Variants in SLC9A3 observed in about 807,000 individuals in gnomAD.
SLC9A3 encodes the protein solute carrier family 9 member A3.
In SLC9A3, 37 loss-of-function variants were observed where a neutral mutation model predicts 86.8. That is an observed-to-expected ratio of 0.43 (90% CI 0.33 to 0.56). The LOEUF (loss-of-function observed/expected upper bound fraction) is 0.56, where lower values mean the gene tolerates loss of function less well. Ranked by LOEUF, SLC9A3 falls within the 20% of genes least tolerant of loss-of-function variation. SLC9A3 has a pLI of 0.06. For missense variants in SLC9A3, 1,011 were observed against 1,171.9 expected, an observed-to-expected ratio of 0.86 and a Z score of 2.00; for synonymous variants, 581 against 528.3, an observed-to-expected ratio of 1.10 and a Z score of -1.37.
chr5:508,497 G>A (rs1370575480), intron 1 of SLC9A3, among the ~76,000 whole-genome samples: 1 of 146,030 alleles, frequency 6.8e-6, no homozygotes. Context: ...GTGTGCCCGG[G>A]ATGGAGATGC....
Position 475,031 on chromosome 5 carries a change from G to A in SLC9A3, c.2353C>T (p.Gln785Ter). The change falls in exon 16 of 17, where the codon CAG becomes TAG. Residue 785 changes from glutamine to a stop codon, truncating the protein, a stop_gained. Coordinates refer to ENST00000264938, the MANE Select transcript of SLC9A3 (RefSeq NM_004174.4). LOFTEE classifies it high-confidence loss of function. ...TAGGGAATCTGCGTGCGGGCCCTCT[G>A]CGAGGGGACCACCGTCTCCCCGGGA... Reference protein sequence around the residue: ...LSPGETVVPSQRARTQIPYSP... With the variant: ...LSPGETVVPS 2 of 1,612,354 alleles carry A rather than the reference G, an allele frequency of 1.2e-6. No individual in the cohort carries two copies. Among genetic ancestry groups the A allele is most frequent in the Non-Finnish European group, 1.7e-6 (2 of 1,179,784 alleles).
intron 1 of SLC9A3, among the ~76,000 whole-genome samples, chr5:502,853 T>TGCTCAAAGCCACCGTAACGACACAGAC (rs1370190936): frequency 6.9e-6 from 1 of 144,140 alleles, no homozygotes; most frequent in Non-Finnish European, 1.5e-5. Context: ...ATGACACAGA[T>TGCTCAAAGCCACCGTAACGACACAGAC]GGGCGCTGTG....
At chr5:480,914 G>T (rs1053527551) in intron 9 of SLC9A3, 5 of 152,204 alleles carry the variant, frequency 3.3e-5, no homozygotes, top group African/African-American at 1.2e-4. Context: ...ATTTTGGGAC[G>T]AAGTCTCGCT....
chr5:491,348 G>A lies in SLC9A3; in HGVS notation c.514+421C>T, dbSNP rs559484808. On this transcript the variant is annotated intron_variant, in intron 2 of 16. Transcript: ENST00000264938. This position sits in a 1 kb window ranked among gnomAD's most constrained non-coding sequence, Gnocchi z 9.2. The stretch of plus-strand genomic sequence containing the variant: ...AAAACCGCGCAGCAGTTCTGGCTCC[G>A]GCTGTGGCTGCAGCGGTGGCCGAGC... Among the ~76,000 whole-genome samples, 36 of 152,282 alleles carry A rather than the reference G, an allele frequency of 2.4e-4. No individual in the cohort carries two copies. Among genetic ancestry groups the A allele is most frequent in the Admixed American group, 9.1e-4 (14 of 15,302 alleles).
chr5:479,813 G>A (rs201746525), intron 10 of SLC9A3, 23 bp downstream of exon 10: 75 of 1,611,510 alleles, frequency 4.7e-5, no homozygotes, highest in Middle Eastern at 3.3e-4. Flanking sequence ...GCCCCGACCC[G>A]GCAGAGCAAG....
At chr5:506,291 C>T (rs562274067) in intron 1 of SLC9A3, among the ~76,000 whole-genome samples, 11 of 152,290 alleles carry the variant, frequency 7.2e-5, no homozygotes, top group African/African-American at 2.4e-4. Context: ...GAAAGACACA[C>T]GAAAGGGGCC....
At chr5:510,865 G>A (rs1740844476) in intron 1 of SLC9A3, among the ~76,000 whole-genome samples, 1 of 152,342 alleles carries the variant, frequency 6.6e-6, no homozygotes. Context: ...AGGCACTGCT[G>A]TGCTCCAAGA....
chr5:521,518 T>C (rs1733884424), intron 1 of SLC9A3, among the ~76,000 whole-genome samples: 1 of 152,210 alleles, frequency 6.6e-6, no homozygotes, highest in African/African-American at 2.4e-5. Context: ...ATTCAACAAA[T>C]GTTTGGAAAA....
chr5:477,239 C>T (rs139787282), intron 11 of SLC9A3, 93 bp downstream of exon 11: 1 of 862,694 alleles, frequency 1.2e-6, no homozygotes, highest in African/African-American at 1.7e-5. Context: ...CCATGCCACC[C>T]CCAGGCCAGG....
intron 1 of SLC9A3, among the ~76,000 whole-genome samples, chr5:523,113 GC>G (rs1457797692): frequency 6.6e-6 from 1 of 152,212 alleles, no homozygotes; most frequent in Non-Finnish European, 1.5e-5. Context: ...CACACAAGGG[GC>G]CTGAAGGGGA....
chr5:481,195 T>C (rs1214017825), intron 9 of SLC9A3, among the ~76,000 whole-genome samples: 1 of 152,236 alleles, frequency 6.6e-6, no homozygotes, highest in African/African-American at 2.4e-5. Context: ...CAAAATCATT[T>C]TAAATGTTGA....
chr5:480,229 C>G, intron 9 of SLC9A3: 1 of 416,732 alleles, frequency 2.4e-6, no homozygotes, highest in South Asian at 2.6e-5. Context: ...GGGTGTCAGG[C>G]CTGGTCAGGC....
Position 475,343 on chromosome 5 carries a change from C to T in SLC9A3, c.2252-211G>A, listed in dbSNP as rs576426548. On this transcript the variant is annotated intron_variant, in intron 15 of 16. Transcript: ENST00000264938. ...AGGTAACGTCTCGCTTCCCTCAAGACATACCCCACCTGCTCCCTGCCCGGC... is the reference window on the plus strand; with the variant it reads ...AGGTAACGTCTCGCTTCCCTCAAGATATACCCCACCTGCTCCCTGCCCGGC... The T allele has an allele frequency of 2.8e-4, 174 of 625,432 alleles. No individual in the cohort carries two copies. The Middle Eastern group carries it at 5.6e-3, about 20-fold the overall frequency. The allele number at this position is 625,432 out of a possible 1,614,324, so 38.7% of individuals were successfully genotyped here. A position where few individuals can be genotyped will look rare whatever the true frequency, so the allele number is the denominator to read the frequency against.
chr5:492,380 GA>G (rs1739811541), intron 1 of SLC9A3, among the ~76,000 whole-genome samples: 1 of 61,314 alleles, frequency 1.6e-5, no homozygotes, highest in Non-Finnish European at 3.6e-5. Context: ...AGGTAGGGGG[GA>G]ACCCACAGGG....
intron 10 of SLC9A3, chr5:479,439 C>G: frequency 4.8e-6 from 1 of 207,772 alleles, no homozygotes; most frequent in East Asian, 1.5e-4. Flanking sequence ...GGAGACGGCC[C>G]TGCTGCTGCC....
rs1738314351 is a variant in SLC9A3 at position 470,795 on chromosome 5, AC to A, written c.*2583del. ...GTAACAAAATTATTTTTGAGAAAAT[AC>A]AGAAGTGAGAAATAGTGATTTCCTC... On this transcript the variant is annotated 3_prime_UTR_variant, in exon 17 of 17. Transcript: ENST00000264938. 6.6e-6 allele frequency: 1 copy of A among 152,528 alleles called. No individual in the cohort carries two copies. The highest frequency in any genetic ancestry group is 1.5e-5 in the Non-Finnish European group (1 of 68,036). The allele number at this position is 152,528 out of a possible 1,614,324, so 9.4% of individuals were successfully genotyped here.
In SLC9A3 at chr5:479,673, ATTCCCAGGG is replaced by A. The variant is rs531497989; in HGVS notation, c.1647+154_1647+162del. On this transcript the variant is annotated intron_variant, in intron 10 of 16. Coordinates refer to ENST00000264938, the MANE Select transcript of SLC9A3 (RefSeq NM_004174.4). ...AGTTTACCCCACGAGAGCCCCTGGG[ATTCCCAGGG>A]CATCAGAAGGCCCATCAGCCTCCCG... 4.7e-4 allele frequency: 304 copies of A among 645,740 alleles called. 2 individuals carry two copies. In the South Asian group the frequency reaches 5.5e-3, roughly 12 times the overall value. The allele number at this position is 645,740 out of a possible 1,614,324, so 40.0% of individuals were successfully genotyped here.
chr5:472,784 T>G lies in SLC9A3; in HGVS notation c.*595A>C, dbSNP rs1469020279. On this transcript the variant is annotated 3_prime_UTR_variant, in exon 17 of 17. Transcript: ENST00000264938. ...CAGGTCGGGCCCTGAGTCCTGGCGCTCGGGAGGTCCCTGAGTCGGTCCCCG... is the reference window on the plus strand; with the variant it reads ...CAGGTCGGGCCCTGAGTCCTGGCGCGCGGGAGGTCCCTGAGTCGGTCCCCG... 1 of 581,902 alleles carries G rather than the reference T, an allele frequency of 1.7e-6. No homozygotes were observed. Among genetic ancestry groups the G allele is most frequent in the Non-Finnish European group, 3.2e-6 (1 of 308,002 alleles). The allele number at this position is 581,902 out of a possible 1,614,324, so 36.0% of individuals were successfully genotyped here. A position where few individuals can be genotyped will look rare whatever the true frequency, so the allele number is the denominator to read the frequency against.
intron 1 of SLC9A3, among the ~76,000 whole-genome samples, chr5:521,010 G>A (rs1375985938): frequency 6.6e-6 from 1 of 152,224 alleles, no homozygotes; most frequent in African/African-American, 2.4e-5. Context: ...GGCCCCCAAG[G>A]GGCACAGGAG....
Sources: gnomAD v4.1 joint callset for allele counts (sites outside exome capture counted in the v4.1 genomes callset) on GRCh38, gnomAD v4.1.1 for gene constraint, Gnocchi (gnomAD v3.1) non-coding constraint, MANE v1.5 for transcripts, NCBI Gene and HGNC (gene_info 2026-07-23, HGNC 2026-07-21) for gene names.